Variants in BICC1 observed in about 807,000 individuals in gnomAD.
BICC1 encodes the protein BicC family RNA binding protein 1.
A neutral mutation model predicts 111.0 loss-of-function variants in BICC1; 43 were observed. The ratio of observed to expected loss-of-function variants is 0.39; its 90% CI spans 0.30 to 0.50. BICC1 has a LOEUF of 0.50. BICC1 is among the 20% of genes least tolerant of loss of function. BICC1 has a pLI of 0.88. For synonymous variants in BICC1, 467 were observed against 434.4 expected (o/e 1.07, Z -0.93); for missense variants, 1,091 against 1,203.2 (o/e 0.91, Z 1.38).
chr10:58,793,404 A>T lies in BICC1; in HGVS notation c.1048-80A>T. ...CTTTAAATCTGTAAAATAGTGCATT[A>T]TTTGCAGGCATGTTAAATTATCAGG... On this transcript the variant is annotated intron_variant, in intron 8 of 20. Coordinates refer to ENST00000373886, the MANE Select transcript of BICC1 (RefSeq NM_001080512.3). 7 of 1,299,664 alleles carry T rather than the reference A, an allele frequency of 5.4e-6. No individual in the cohort carries two copies. The East Asian group carries it at 1.6e-4, about 31-fold the overall frequency. The allele number at this position is 1,299,664 out of a possible 1,614,324, so 80.5% of individuals were successfully genotyped here.
intron 3 of BICC1, among the ~76,000 whole-genome samples, chr10:58,716,693 T>TTTTTAGCATTAGAATGTGTTAGG (rs1840752417): frequency 4.1e-4 from 62 of 151,816 alleles, no homozygotes; most frequent in African/African-American, 1.5e-3. Flanking sequence ...ACATTAATAT[T>TTTTTAGCATTAGAATGTGTTAGG]TCAAAACCCT....
In BICC1 at chr10:58,513,191, C is replaced by G. The variant is rs1414606073; in HGVS notation, c.48C>G (p.Pro16=). 5.6e-6 allele frequency: 9 copies of G among 1,593,398 alleles called. No individual in the cohort carries two copies. The Middle Eastern group carries it at 5.0e-4, about 89-fold the overall frequency. ...EPGYLAAQSD[P]GSNSERSTDS... The stretch of plus-strand genomic sequence containing the variant: ...GCTACCTGGCGGCGCAGTCGGACCC[C>G]GGCTCCAACAGCGAGCGCAGCACCG... The change falls in exon 1 of 21, where the codon CCC becomes CCG. Residue 16 remains proline (P), a synonymous_variant. Transcript: ENST00000373886.
chr10:58,606,856 T>A (rs995590343), intron 1 of BICC1, among the ~76,000 whole-genome samples: 15 of 152,220 alleles, frequency 9.9e-5, no homozygotes, highest in African/African-American at 3.6e-4. Context: ...AAATACATTT[T>A]ATAGTCTGTT....
chr10:58,713,415 C>T (rs1210303287), intron 3 of BICC1, among the ~76,000 whole-genome samples: 1 of 152,166 alleles, frequency 6.6e-6, no homozygotes, highest in Non-Finnish European at 1.5e-5. Flanking sequence ...TTGTAATAGG[C>T]ATTATAATAG....
chr10:58,676,356 A>C (rs538454322), intron 2 of BICC1, among the ~76,000 whole-genome samples: 3 of 152,158 alleles, frequency 2.0e-5, no homozygotes, highest in African/African-American at 7.2e-5. Context: ...ATGGAGCCCA[A>C]CAAGCTAAGA....
chr10:58,698,334 C>T (rs1026252489), intron 2 of BICC1, among the ~76,000 whole-genome samples: 3 of 152,194 alleles, frequency 2.0e-5, no homozygotes, highest in African/African-American at 7.2e-5. Flanking sequence ...GAATCACCCT[C>T]AGGGCCTTGC....
intron 1 of BICC1, among the ~76,000 whole-genome samples, chr10:58,528,713 G>A (rs767607204): frequency 2.0e-5 from 3 of 151,856 alleles, no homozygotes; most frequent in Admixed American, 6.6e-5. Context: ...CACTGACTTC[G>A]CCACCTTGGA....
Position 58,769,368 on chromosome 10 carries a change from TATA to T in BICC1, c.308-15630_308-15628del, listed in dbSNP as rs1842550201. ...GATATGTTGATTGTGGTAATAGTTT[TATA>T]ATGTATGTGTGTGTGTGTGTGTGTG... is the stretch of plus-strand genomic sequence containing the variant. On this transcript the variant is annotated intron_variant, in intron 3 of 20. Coordinates refer to ENST00000373886, the MANE Select transcript of BICC1 (RefSeq NM_001080512.3). Among the ~76,000 whole-genome samples the T allele has an allele frequency of 3.8e-5, 5 of 130,950 alleles. No individual in the cohort carries two copies. In the South Asian group the frequency reaches 8.3e-4, roughly 22 times the overall value. 85.9% of individuals were successfully genotyped at this position (130,950 alleles called of 152,430 possible). A position where few individuals can be genotyped will look rare whatever the true frequency, so the allele number is the denominator to read the frequency against.
At chr10:58,623,621 A>G (rs1227506974) in intron 2 of BICC1, among the ~76,000 whole-genome samples, 2 of 152,148 alleles carry the variant, frequency 1.3e-5, no homozygotes, top group African/African-American at 2.4e-5. Flanking sequence ...CTGGGTTGGT[A>G]GCTGTGTCCC....
chr10:58,731,617 A>G (rs1319531539), intron 3 of BICC1, among the ~76,000 whole-genome samples: 1 of 152,214 alleles, frequency 6.6e-6, no homozygotes, highest in East Asian at 1.9e-4. Flanking sequence ...GCTTGGCAGC[A>G]TCTGCCTCTG....
chr10:58,539,819 C>A (rs1226732233), intron 1 of BICC1, among the ~76,000 whole-genome samples: 2 of 151,830 alleles, frequency 1.3e-5, no homozygotes, highest in Non-Finnish European at 2.9e-5. Context: ...CACACCAAAA[C>A]AGCAGAATAG....
At chr10:58,725,695 AT>A (rs1311275690) in intron 3 of BICC1, among the ~76,000 whole-genome samples, 1 of 152,162 alleles carries the variant, frequency 6.6e-6, no homozygotes, top group African/African-American at 2.4e-5. Context: ...GAGCCTGTGG[AT>A]CCTCATCTCA....
intron 1 of BICC1, among the ~76,000 whole-genome samples, chr10:58,538,585 C>A (rs1245497163): frequency 1.3e-5 from 2 of 151,772 alleles, no homozygotes; most frequent in Admixed American, 1.3e-4. Context: ...AAAGCAAATG[C>A]AGCAAAAGCA....
chr10:58,554,794 AT>A (rs34123447), intron 1 of BICC1, among the ~76,000 whole-genome samples: 71,597 of 144,578 alleles, frequency 0.5, 17,514 homozygotes, highest in Admixed American at 0.62. Context: ...CTTACATTTG[AT>A]TTTTTTTTTT....
intron 2 of BICC1, among the ~76,000 whole-genome samples, chr10:58,659,127 G>A (rs75912820): frequency 0.02 from 3,085 of 152,176 alleles, 101 homozygotes; most frequent in African/African-American, 0.072. Context: ...AAAAGGGAAC[G>A]CTTATACACT....
chr10:58,798,274 C>A (rs1843420827), intron 10 of BICC1, 125 bp from the exon 11 acceptor site: 1 of 734,298 alleles, frequency 1.4e-6, no homozygotes, highest in Non-Finnish European at 2.0e-6. Context: ...AATCTGTCAT[C>A]CATATTTTAT....
At chr10:58,636,589 T>C (rs1300907603) in intron 2 of BICC1, among the ~76,000 whole-genome samples, 1 of 151,908 alleles carries the variant, frequency 6.6e-6, no homozygotes, top group Non-Finnish European at 1.5e-5. Context: ...TGTCTCCTCC[T>C]CCTCCTCCTC....
At chr10:58,758,508 C>G (rs1162469548) in intron 3 of BICC1, among the ~76,000 whole-genome samples, 1 of 152,200 alleles carries the variant, frequency 6.6e-6, no homozygotes. Flanking sequence ...CTCCTCTTCC[C>G]TATAAGGTCT....
At chr10:58,727,812 A>G (rs1046340187) in intron 3 of BICC1, among the ~76,000 whole-genome samples, 1 of 152,248 alleles carries the variant, frequency 6.6e-6, no homozygotes, top group Admixed American at 6.5e-5. Flanking sequence ...GTTTAGTTCC[A>G]GACTACCTCA....
Sources: gnomAD v4.1 joint callset for allele counts (sites outside exome capture counted in the v4.1 genomes callset) on GRCh38, gnomAD v4.1.1 for gene constraint, MANE v1.5 for transcripts, NCBI Gene and HGNC (gene_info 2026-07-23, HGNC 2026-07-21) for gene names.